Variants in KLF17 observed in about 807,000 individuals in gnomAD.
KLF17 encodes KLF transcription factor 17.
KLF17 carries 31 observed loss-of-function variants against 34.2 expected under a neutral mutation model. The observed-to-expected ratio is 0.91, with a 90% confidence interval of 0.68 to 1.22. The LOEUF (loss-of-function observed/expected upper bound fraction) is 1.22, where lower values mean the gene tolerates loss of function less well. Among genes scored for constraint, KLF17 ranks in the 50% most tolerant of loss-of-function variants. KLF17 has a pLI of 0.00. For synonymous variants in KLF17, 179 were observed against 186.7 expected (o/e 0.96, Z 0.34); for missense variants, 478 against 505.2 (o/e 0.95, Z 0.52).
the KLF17 span, among the ~76,000 whole-genome samples, chr1:44,102,570 AC>A: frequency 2.8e-5 from 1 of 35,548 alleles, no homozygotes; most frequent in African/African-American, 8.6e-5. Flanking sequence ...ACACATACAC[AC>A]ACACACACAC....
At chr1:44,116,701 G>A (rs777159039), upstream of KLF17, among the ~76,000 whole-genome samples, 1 of 152,094 alleles carries the variant, frequency 6.6e-6, no homozygotes, top group African/African-American at 2.4e-5. Context: ...AACCTCTCAG[G>A]TTCTTTGGAT....
upstream of KLF17, chr1:44,115,458 AAAAAAAAAAAAAAACC>A (rs1353419975): frequency 1.3e-5 from 2 of 151,138 alleles, no homozygotes; most frequent in Non-Finnish European, 2.9e-5. Flanking sequence ...GTCAAAAAAA[AAAAAAAAAAAAAAACC>A]AAAACAAAAA....
At chr1:44,110,980 G>A in the KLF17 span, among the ~76,000 whole-genome samples, 1 of 151,648 alleles carries the variant, frequency 6.6e-6, no homozygotes, top group East Asian at 1.9e-4. Flanking sequence ...TTAGTTAAAC[G>A]CATTATTCTG....
the KLF17 span, among the ~76,000 whole-genome samples, chr1:44,045,640 A>G: frequency 6.6e-6 from 1 of 152,202 alleles, no homozygotes; most frequent in Non-Finnish European, 1.5e-5. Context: ...TGAAGAGGCA[A>G]TAGTTAAACA....
At chr1:44,119,114 A>T in intron 1 of KLF17, 126 bp downstream of exon 1, 3 of 317,560 alleles carry the variant, frequency 9.4e-6, no homozygotes, top group Non-Finnish European at 1.5e-5. Context: ...ATCCGAGGGG[A>T]GGGGTGGCAA....
At chr1:44,064,915 A>C in the KLF17 span, among the ~76,000 whole-genome samples, 2 of 152,382 alleles carry the variant, frequency 1.3e-5, no homozygotes, top group East Asian at 3.9e-4. Flanking sequence ...ATGGAAATAG[A>C]TTGGAAGTTA....
At chr1:44,121,054 A>T (rs901726476) in intron 1 of KLF17, among the ~76,000 whole-genome samples, 17 of 152,254 alleles carry the variant, frequency 1.1e-4, no homozygotes, top group African/African-American at 3.1e-4. Flanking sequence ...AGTTTTTTTT[A>T]AAAAATGAAC....
the KLF17 span, among the ~76,000 whole-genome samples, chr1:44,081,736 T>G: frequency 2.0e-5 from 3 of 152,188 alleles, no homozygotes; most frequent in Admixed American, 2.0e-4. Context: ...ATGGTAGTCT[T>G]GTTTCCATAT....
chr1:44,075,288 G>T, the KLF17 span, among the ~76,000 whole-genome samples: 1 of 152,068 alleles, frequency 6.6e-6, no homozygotes, highest in Non-Finnish European at 1.5e-5. Flanking sequence ...TTCTCAATCT[G>T]GTGTTTGATA....
chr1:44,058,178 C>A, the KLF17 span, among the ~76,000 whole-genome samples: 1 of 152,224 alleles, frequency 6.6e-6, no homozygotes, highest in Non-Finnish European at 1.5e-5. Context: ...TCCTGGAGAC[C>A]TCAATCCTTG....
At chr1:44,131,895 A>G (rs1310354480) in intron 3 of KLF17, among the ~76,000 whole-genome samples, 1 of 151,964 alleles carries the variant, frequency 6.6e-6, no homozygotes, top group African/African-American at 2.4e-5. Flanking sequence ...GGGTTTCACC[A>G]TGTTGGCCAG....
Position 44,129,519 on chromosome 1 carries a change from A to G in KLF17, c.248A>G (p.Asn83Ser). ...VSVEAPGQNV[N>S]EGGPQFSMPL... ...GTTGAGGCGCCGGGGCAGAATGTGA[A>G]TGAAGGGGGGCCACAGTTCAGTATG... Residue 83 changes from asparagine (N) to serine (S), a missense_variant, in exon 2 of 4, where the codon AAT becomes AGT. Coordinates refer to ENST00000372299, the MANE Select transcript of KLF17 (RefSeq NM_173484.4). 3 of 1,613,082 alleles carry G rather than the reference A, an allele frequency of 1.9e-6. No individual in the cohort carries two copies. Among genetic ancestry groups the G allele is most frequent in the Non-Finnish European group, 2.5e-6 (3 of 1,179,432 alleles).
At chr1:44,076,896 T>G in the KLF17 span, 3 of 108,562 alleles carry the variant, frequency 2.8e-5, no homozygotes, top group African/African-American at 1.2e-4. Context: ...ATGCCTGGCC[T>G]TTTTTTTTTT....
intron 1 of KLF17, among the ~76,000 whole-genome samples, chr1:44,123,212 C>A (rs2087968952): frequency 6.6e-6 from 1 of 152,062 alleles, no homozygotes; most frequent in African/African-American, 2.4e-5. Flanking sequence ...ACACTTGCCA[C>A]TATACCTGGC....
chr1:44,096,860 T>C, the KLF17 span, among the ~76,000 whole-genome samples: 1 of 152,216 alleles, frequency 6.6e-6, no homozygotes, highest in Non-Finnish European at 1.5e-5. Flanking sequence ...TTTTGGCTTT[T>C]GTTGCCATTG....
the KLF17 span, among the ~76,000 whole-genome samples, chr1:44,097,445 T>A: frequency 2.0e-5 from 3 of 152,172 alleles, no homozygotes; most frequent in Admixed American, 1.3e-4. Flanking sequence ...AATCTATAAA[T>A]CACTTTGGGT....
At chr1:44,109,445 A>C in the KLF17 span, among the ~76,000 whole-genome samples, 2 of 152,228 alleles carry the variant, frequency 1.3e-5, no homozygotes, top group Non-Finnish European at 2.9e-5. Context: ...TCATGTAATC[A>C]GGAAAGGTTT....
At chr1:44,070,456 C>G in the KLF17 span, among the ~76,000 whole-genome samples, 3 of 152,238 alleles carry the variant, frequency 2.0e-5, no homozygotes, top group South Asian at 6.2e-4. Flanking sequence ...ATTTGTTTTT[C>G]TGTGTCTGAG....
the KLF17 span, among the ~76,000 whole-genome samples, chr1:44,108,949 G>A: frequency 6.6e-6 from 1 of 152,138 alleles, no homozygotes; most frequent in African/African-American, 2.4e-5. Flanking sequence ...TTACAGGCAT[G>A]AGCCACCGCA....
Sources: gnomAD v4.1 joint callset for allele counts (sites outside exome capture counted in the v4.1 genomes callset) on GRCh38, gnomAD v4.1.1 for gene constraint, MANE v1.5 for transcripts, NCBI Gene and HGNC (gene_info 2026-07-23, HGNC 2026-07-21) for gene names.